The following MCM3 variants were observed in gnomAD, a reference collection of about 807,000 sequenced individuals.
The protein encoded by MCM3 is DNA replication licensing factor MCM3.
MCM3 carries 59 observed loss-of-function variants against 91.3 expected under a neutral mutation model. That is an observed-to-expected ratio of 0.65 (90% CI 0.52 to 0.80). The LOEUF (loss-of-function observed/expected upper bound fraction) is 0.80. MCM3 is among the 30% of genes least tolerant of loss of function. The pLI, the probability that MCM3 is intolerant of heterozygous loss-of-function variation, is 0.00. For missense variants in MCM3, 919 were observed against 1,035.4 expected (o/e 0.89, Z 1.54); for synonymous variants, 383 against 379.6 (o/e 1.01, Z -0.10).
intron 4 of MCM3, among the ~76,000 whole-genome samples, chr6:52,281,716 A>G (rs901106965): frequency 1.3e-5 from 2 of 151,966 alleles, no homozygotes; most frequent in African/African-American, 4.8e-5. Flanking sequence ...GTGGCGTAGC[A>G]CATGCCTGCA....
At chr6:52,282,251 C>A (rs1369841128) in intron 3 of MCM3, 76 bp from the exon 4 acceptor site, 3 of 1,306,670 alleles carry the variant, frequency 2.3e-6, no homozygotes, top group Admixed American at 1.8e-5. Context: ...CATATGCAAG[C>A]CTATAATGAC....
Position 52,276,249 on chromosome 6 carries a change from G to C in MCM3, c.1374+19C>G, listed in dbSNP as rs544888510. The C allele has an allele frequency of 2.7e-4, 438 of 1,597,884 alleles. No homozygotes were observed. The highest frequency in any genetic ancestry group is 3.6e-4 in the Non-Finnish European group (416 of 1,170,636). On this transcript the variant is annotated intron_variant, in intron 9 of 16. Transcript: ENST00000596288. ...CCAAATGAAGGTGAGGACAATGGTTGGGGCCTGATTCCACTTACCCTGCCG... is the reference window on the plus strand; with the variant it reads ...CCAAATGAAGGTGAGGACAATGGTTCGGGCCTGATTCCACTTACCCTGCCG...
intron 1 of MCM3, among the ~76,000 whole-genome samples, chr6:52,284,368 G>A (rs950977714): frequency 4.6e-5 from 7 of 152,138 alleles, no homozygotes; most frequent in Non-Finnish European, 8.8e-5. Context: ...TTGCGCGCCC[G>A]GACCATCGCT....
chr6:52,281,049 A>G (rs1766048578), intron 4 of MCM3, among the ~76,000 whole-genome samples: 1 of 152,202 alleles, frequency 6.6e-6, no homozygotes. Context: ...CTCAATTAAA[A>G]TTTGATGAGG....
chr6:52,281,582 A>C (rs1266540846), intron 4 of MCM3, among the ~76,000 whole-genome samples: 2 of 152,126 alleles, frequency 1.3e-5, no homozygotes, highest in East Asian at 3.9e-4. Flanking sequence ...CAGGAGGCTA[A>C]GGTGAGAAGA....
At chr6:52,277,398 AAAAG>A in intron 7 of MCM3, 133 bp downstream of exon 7, 2 of 1,092,160 alleles carry the variant, frequency 1.8e-6, no homozygotes, top group Non-Finnish European at 1.3e-6. Flanking sequence ...ACAAAAAAAA[AAAAG>A]ATTCATTTTA....
intron 14 of MCM3, among the ~76,000 whole-genome samples, 189 bp downstream of exon 14, chr6:52,267,676 C>T (rs1012097428): frequency 2.0e-5 from 3 of 150,974 alleles, no homozygotes; most frequent in African/African-American, 4.9e-5. Flanking sequence ...CACAAGTGTC[C>T]GCCACCACGC....
chr6:52,279,266 T>G, intron 5 of MCM3, 95 bp downstream of exon 5: 1 of 1,049,910 alleles, frequency 9.5e-7, no homozygotes, highest in Non-Finnish European at 1.4e-6. Context: ...ACCTATCAGA[T>G]ATAACTCTCT....
Position 52,283,424 on chromosome 6 carries a change from C to T in MCM3, c.79-18G>A, listed in dbSNP as rs563006287. On this transcript the variant is annotated intron_variant, in intron 1 of 16. Coordinates refer to ENST00000596288, the MANE Select transcript of MCM3 (RefSeq NM_002388.6). ...TGGTCTTCCTGCAAAACAGCCACCA[C>T]ATATCACCATAGCCACAAATTTAAA... is the stretch of plus-strand genomic sequence containing the variant. The T allele has an allele frequency of 8.0e-6, 12 of 1,497,936 alleles. No individual in the cohort carries two copies. The highest frequency in any genetic ancestry group is 1.0e-5 in the Non-Finnish European group (11 of 1,073,958). The allele number at this position is 1,497,936 out of a possible 1,614,324, so 92.8% of individuals were successfully genotyped here.
intron 6 of MCM3, among the ~76,000 whole-genome samples, chr6:52,277,910 T>C (rs779733316): frequency 2.0e-5 from 3 of 151,004 alleles, no homozygotes; most frequent in Non-Finnish European, 4.4e-5. Flanking sequence ...CTACTAAAAA[T>C]ACAAAAAATT....
intron 5 of MCM3, 29 bp from the exon 6 acceptor site, chr6:52,278,879 C>A (rs533817243): frequency 2.0e-6 from 3 of 1,504,766 alleles, no homozygotes; most frequent in African/African-American, 1.4e-5. Flanking sequence ...AGAGGAAACC[C>A]GTTATATTCA....
At chr6:52,272,552 T>C in intron 11 of MCM3, 101 bp from the exon 12 acceptor site, 2 of 1,274,690 alleles carry the variant, frequency 1.6e-6, no homozygotes, top group South Asian at 1.4e-5. Flanking sequence ...AAACAAAGCC[T>C]AGAACCCATT....
chr6:52,273,031 C>CT (rs564525039), intron 11 of MCM3, among the ~76,000 whole-genome samples, 199 bp downstream of exon 11: 35 of 152,280 alleles, frequency 2.3e-4, no homozygotes, highest in African/African-American at 7.9e-4. Context: ...GCTGAATCAC[C>CT]TAAACATTTA....
intron 10 of MCM3, 24 bp downstream of exon 10, chr6:52,273,718 C>T (rs1765327839): frequency 6.3e-7 from 1 of 1,589,044 alleles, no homozygotes; most frequent in Non-Finnish European, 8.6e-7. Context: ...CCATTAGTTA[C>T]TCTTACTATT....
chr6:52,270,368 T>C (rs1049417976), intron 12 of MCM3, among the ~76,000 whole-genome samples: 4 of 151,384 alleles, frequency 2.6e-5, no homozygotes, highest in Non-Finnish European at 5.9e-5. Context: ...AACTACTTCC[T>C]TCTGTCACAC....
Position 52,273,926 on chromosome 6 carries a change from G to A in MCM3, c.1375-10C>T, listed in dbSNP as rs1182091497. 2 of 1,600,920 alleles carry A rather than the reference G, an allele frequency of 1.2e-6. No individual in the cohort carries two copies. Among genetic ancestry groups the A allele is most frequent in the Admixed American group, 1.7e-5 (1 of 58,912 alleles). On this transcript the variant is annotated splice_polypyrimidine_tract_variant and intron_variant, in intron 9 of 16. Coordinates refer to ENST00000596288, the MANE Select transcript of MCM3 (RefSeq NM_002388.6). ...TCTTATACTGGTCATACTGGGGAAT[G>A]CGAGGACAACAGAAGTGGACATGAC...
chr6:52,272,658 C>T (rs2294830), intron 11 of MCM3, among the ~76,000 whole-genome samples: 92,903 of 152,074 alleles, frequency 0.61, 28,576 homozygotes, highest in East Asian at 0.71. Flanking sequence ...GTAGTTTAGG[C>T]AGAAAGTTTA....
At chr6:52,282,599 T>G (rs1352305477) in intron 3 of MCM3, 54 bp downstream of exon 3, 1 of 1,560,626 alleles carries the variant, frequency 6.4e-7, no homozygotes, top group African/African-American at 1.4e-5. Flanking sequence ...CTCTCCTGCT[T>G]TCCCCATCTC....
intron 7 of MCM3, 150 bp downstream of exon 7, chr6:52,277,385 A>G (rs1765669272): frequency 1.0e-6 from 1 of 985,104 alleles, no homozygotes; most frequent in Non-Finnish European, 1.5e-6. Flanking sequence ...AATTCCAGAG[A>G]TGACAAAAAA....
Sources: allele counts gnomAD v4.1 joint callset (sites outside exome capture counted in the v4.1 genomes callset), GRCh38; gene constraint gnomAD v4.1.1; transcripts MANE v1.5; gene names NCBI Gene and HGNC (gene_info 2026-07-23, HGNC 2026-07-21).